NQO2: variants seen among roughly 807,000 people sequenced by gnomAD.
The protein encoded by NQO2 is ribosyldihydronicotinamide dehydrogenase [quinone].
In NQO2, 18 loss-of-function variants were observed where a neutral mutation model predicts 22.0. That is an observed-to-expected ratio of 0.82 (90% CI 0.56 to 1.21). The LOEUF (loss-of-function observed/expected upper bound fraction) is 1.21, where lower values mean the gene tolerates loss of function less well. NQO2 is among the 50% of genes most tolerant of loss of function. NQO2 has a pLI of 0.00. For missense variants in NQO2, 267 were observed against 286.9 expected (o/e 0.93, Z 0.50); for synonymous variants, 106 against 110.8 (o/e 0.96, Z 0.28).
intron 1 of NQO2, chr6:3,003,523 A>G (rs1011610528): frequency 1.6e-5 from 15 of 938,204 alleles, no homozygotes; most frequent in Non-Finnish European, 1.9e-5. Flanking sequence ...TGGAGACCCA[A>G]AGGCCTCATC....
intron 1 of NQO2, chr6:3,004,730 G>A (rs569060024): frequency 2.4e-5 from 19 of 780,698 alleles, no homozygotes; most frequent in African/African-American, 2.3e-4. Flanking sequence ...TCACGTTGTC[G>A]TTTGGACACA....
rs745578664 is a variant in NQO2, at chr6:3,010,096, G to C, written c.79G>C (p.Val27Leu). The C allele has an allele frequency of 6.2e-7, 1 of 1,614,090 alleles. No homozygotes were observed. The highest frequency in any genetic ancestry group is 2.2e-5 in the East Asian group (1 of 44,870). ...SFNGSLKNVA[V>L]DELSRQGCTV... ...CAACGGATCCTTGAAGAATGTGGCT[G>C]TAGATGAACTGAGCAGGCAGGGCTG... Residue 27 changes from valine to leucine, a missense_variant, in exon 3 of 7, where the codon GTA (valine) becomes CTA (leucine). Physicochemically the swap from Val to Leu is conservative, Grantham distance 32 (BLOSUM62 1). Transcript: ENST00000380455.
rs530473752 is a variant in NQO2 at position 3,004,230 on chromosome 6, G to A, written c.-85-2238G>A. 3 of 623,354 alleles carry A rather than the reference G, an allele frequency of 4.8e-6. No individual in the cohort carries two copies. The African/African-American group carries it at 6.1e-5, about 13-fold the overall frequency. The allele number at this position is 623,354 out of a possible 1,614,324, so 38.6% of individuals were successfully genotyped here. The stretch of plus-strand genomic sequence containing the variant: ...AGCCTAGGAAATGTAGTGCTTACCT[G>A]TACACGTGGATTCCTGGAATCAATT... On this transcript the variant is annotated intron_variant, in intron 1 of 6. Coordinates refer to ENST00000380455, the MANE Select transcript of NQO2 (RefSeq NM_000904.6).
intron 1 of NQO2, chr6:3,005,695 T>C (rs1271357246): frequency 7.1e-6 from 7 of 985,248 alleles, no homozygotes; most frequent in Non-Finnish European, 7.2e-6. Flanking sequence ...ATTTCAGAGA[T>C]GGCCAGGAGG....
chr6:3,018,065 A>T lies in NQO2; in HGVS notation c.519+1080A>T, dbSNP rs543604843. On this transcript the variant is annotated intron_variant, in intron 6 of 6. Coordinates refer to ENST00000380455, the MANE Select transcript of NQO2 (RefSeq NM_000904.6). ...CTTTTGTTGTTGTTTGCTATTATAA[A>T]TAGGATTTTGTCTTCAATTATATCT... Among the ~76,000 whole-genome samples, 4 of 152,326 alleles carry T rather than the reference A, an allele frequency of 2.6e-5. No homozygotes were observed. In the East Asian group the frequency reaches 7.7e-4, roughly 29 times the overall value.
At chr6:3,005,804 C>T (rs1756932605) in intron 1 of NQO2, 1 of 985,382 alleles carries the variant, frequency 1.0e-6, no homozygotes, top group Admixed American at 6.1e-5. Flanking sequence ...TCTCACTCTT[C>T]TGGGCCATGC....
At chr6:3,005,156 A>G (rs1411484538) in intron 1 of NQO2, among the ~76,000 whole-genome samples, 1 of 152,176 alleles carries the variant, frequency 6.6e-6, no homozygotes, top group Non-Finnish European at 1.5e-5. Context: ...ACTGATAGAC[A>G]CTTGGGTTGC....
In NQO2 at chr6:3,012,621, G is replaced by A. The variant is rs1473220370; in HGVS notation, c.250G>A (p.Asp84Asn). The A allele has an allele frequency of 8.7e-6, 14 of 1,614,086 alleles. No individual in the cohort carries two copies. Among genetic ancestry groups the A allele is most frequent in the South Asian group, 2.2e-5 (2 of 91,054 alleles). ...CTACAAGCAAAGGTCTCTGGCTAGC[G>A]ACATCACTGATGAGCAGAAAAAGGT... ...EAYKQRSLAS[D>N]ITDEQKKVRE... is the part of the protein sequence containing the mutation. The change falls in exon 4 of 7, where the codon GAC becomes AAC. Residue 84 changes from aspartate to asparagine, a missense_variant. Physicochemically the swap from Asp to Asn is conservative, Grantham distance 23 (BLOSUM62 1). Transcript: ENST00000380455.
chr6:3,003,412 C>T (rs2113430754), intron 1 of NQO2: 1 of 388,852 alleles, frequency 2.6e-6, no homozygotes, highest in Non-Finnish European at 3.5e-6. Context: ...GCTAAGACAA[C>T]CATGTCTCTC....
intron 5 of NQO2, 86 bp from the exon 6 acceptor site, chr6:3,016,798 T>G: frequency 6.4e-7 from 1 of 1,556,394 alleles, no homozygotes; most frequent in East Asian, 2.4e-5. Context: ...CCCTGCTGGC[T>G]GTGCTGAGCC....
chr6:3,014,376 C>A (rs113405463), intron 4 of NQO2, among the ~76,000 whole-genome samples: 1,610 of 152,208 alleles, frequency 0.011, 26 homozygotes, highest in African/African-American at 0.036. Flanking sequence ...TGTGGTTTAC[C>A]ATCTCCGTCT....
intron 2 of NQO2, among the ~76,000 whole-genome samples, chr6:3,008,139 C>A (rs1320031065): frequency 1.3e-5 from 2 of 152,204 alleles, no homozygotes; most frequent in African/African-American, 4.8e-5. Context: ...TTTCTGGGGC[C>A]AGGTGCTGTG....
At position 3,006,312 on chromosome 6, in the gene NQO2, A is replaced by T; in HGVS notation, c.-85-156A>T. 2.0e-6 allele frequency: 2 copies of T among 985,144 alleles called. No individual in the cohort carries two copies. The highest frequency in any genetic ancestry group is 2.4e-6 in the Non-Finnish European group (2 of 829,706). 61.0% of individuals were successfully genotyped at this position (985,144 alleles called of 1,614,324 possible). A position where few individuals can be genotyped will look rare whatever the true frequency, so the allele number is the denominator to read the frequency against. On this transcript the variant is annotated intron_variant, in intron 1 of 6. Coordinates refer to ENST00000380455, the MANE Select transcript of NQO2 (RefSeq NM_000904.6). The surrounding 1 kb of genome is among the most constrained non-coding windows in gnomAD (Gnocchi z 4.0). ...GACATCCTGCGTGGCTTGTCCTCTG[A>T]GGCCTAAATCTCCAGAAGATTCCTG...
At chr6:3,009,310 C>T (rs4349863) in intron 2 of NQO2, among the ~76,000 whole-genome samples, 4,674 of 152,310 alleles carry the variant, frequency 0.031, 253 homozygotes, top group African/African-American at 0.11. Context: ...CCTGGCTCAC[C>T]GGCAGTGAGA....
chr6:3,009,120 G>C (rs1757058022), intron 2 of NQO2, among the ~76,000 whole-genome samples: 1 of 152,106 alleles, frequency 6.6e-6, no homozygotes, highest in African/African-American at 2.4e-5. Flanking sequence ...CGGGAGACTG[G>C]GGCTTATTTC....
chr6:3,010,015 C>A lies in NQO2; in HGVS notation c.8-10C>A. The A allele has an allele frequency of 6.2e-7, 1 of 1,603,474 alleles. No homozygotes were observed. Among genetic ancestry groups the A allele is most frequent in the Non-Finnish European group, 8.5e-7 (1 of 1,174,592 alleles). The stretch of plus-strand genomic sequence containing the variant: ...TTCTTCAAGAGGAACTGTTTCTTAT[C>A]CTGATTTAGGTAAGAAAGTACTCAT... On this transcript the variant is annotated splice_polypyrimidine_tract_variant and intron_variant, in intron 2 of 6. Coordinates refer to ENST00000380455, the MANE Select transcript of NQO2 (RefSeq NM_000904.6).
intron 1 of NQO2, among the ~76,000 whole-genome samples, chr6:3,002,778 C>T (rs1344796470): frequency 6.6e-6 from 1 of 151,756 alleles, no homozygotes; most frequent in Non-Finnish European, 1.5e-5. Context: ...TTCAGCCAAA[C>T]AGGCTTTCTT....
chr6:3,011,070 A>G (rs1757118516), intron 3 of NQO2, among the ~76,000 whole-genome samples: 1 of 152,208 alleles, frequency 6.6e-6, no homozygotes, highest in African/African-American at 2.4e-5. Context: ...CACAAGAAAC[A>G]ACAGTAAACA....
intron 1 of NQO2, chr6:3,004,360 C>T: frequency 1.0e-6 from 1 of 985,212 alleles, no homozygotes; most frequent in Non-Finnish European, 1.2e-6. Context: ...TTTGAAGTCA[C>T]CTTTGGGTGT....
Sources: allele counts gnomAD v4.1 joint callset (sites outside exome capture counted in the v4.1 genomes callset), GRCh38; gene constraint gnomAD v4.1.1; non-coding constraint Gnocchi (gnomAD v3.1); transcripts MANE v1.5; gene names NCBI Gene and HGNC (gene_info 2026-07-23, HGNC 2026-07-21).